Variants in RALB observed in about 807,000 individuals in gnomAD.
RALB encodes ras-related protein Ral-B.
In RALB, 16 loss-of-function variants were observed where a neutral mutation model predicts 21.3. That is an observed-to-expected ratio of 0.75 (90% CI 0.51 to 1.14). The LOEUF is 1.14. Among genes scored for constraint, RALB ranks in the 50% most tolerant of loss-of-function variants. RALB has a pLI of 0.00. For synonymous variants in RALB, 93 were observed against 96.1 expected (o/e 0.97, Z 0.19); for missense variants, 161 against 256.2 (o/e 0.63, Z 2.54).
At position 120,272,651 on chromosome 2, in the gene RALB, A is replaced by C. The variant is rs112412975; in HGVS notation, c.-47-5967A>C. On this transcript the variant is annotated intron_variant, in intron 1 of 4. Transcript: ENST00000272519. The stretch of plus-strand genomic sequence containing the variant: ...TTTATTGGCTAGGCATTTCCATTAT[A>C]GGTATTAAATCATTAACGTGAGCTT... Among the ~76,000 whole-genome samples the C allele has an allele frequency of 8.9e-4, 136 of 152,308 alleles. No homozygotes were observed. The Middle Eastern group carries it at 0.01, about 11-fold the overall frequency.
intron 1 of RALB, among the ~76,000 whole-genome samples, chr2:120,278,399 C>T (rs1352190202): frequency 6.6e-6 from 1 of 152,174 alleles, no homozygotes; most frequent in Non-Finnish European, 1.5e-5. Context: ...GTGTGCGCTC[C>T]TGTTTCTCCC....
intron 1 of RALB, among the ~76,000 whole-genome samples, chr2:120,272,423 C>A (rs754568359): frequency 5.9e-5 from 9 of 152,058 alleles, no homozygotes; most frequent in African/African-American, 1.9e-4. Context: ...TGAAATATAT[C>A]GGAAAATGAG....
chr2:120,282,355 G>A (rs570821996), intron 2 of RALB, among the ~76,000 whole-genome samples: 8 of 152,236 alleles, frequency 5.3e-5, no homozygotes, highest in African/African-American at 1.9e-4. Flanking sequence ...GTGCATACCT[G>A]TAATCCCAGC....
chr2:120,269,535 G>C (rs1377569871), intron 1 of RALB, among the ~76,000 whole-genome samples: 7 of 152,144 alleles, frequency 4.6e-5, no homozygotes, highest in Admixed American at 2.6e-4. Context: ...GCACTGATTG[G>C]TGCATTTTAC....
chr2:120,277,921 A>C (rs1157499371), intron 1 of RALB, among the ~76,000 whole-genome samples: 1 of 132,046 alleles, frequency 7.6e-6, no homozygotes, highest in Non-Finnish European at 1.6e-5. Flanking sequence ...ATGTGAGTTA[A>C]TGTGAGCGTG....
chr2:120,266,434 G>A (rs563232075), intron 1 of RALB, among the ~76,000 whole-genome samples: 1 of 152,266 alleles, frequency 6.6e-6, no homozygotes, highest in Non-Finnish European at 1.5e-5. Flanking sequence ...TAGTAGAGAC[G>A]CAGTTTCACT....
intron 1 of RALB, among the ~76,000 whole-genome samples, chr2:120,254,581 G>A (rs563242876): frequency 3.3e-4 from 51 of 152,334 alleles, no homozygotes; most frequent in South Asian, 6.2e-4. Flanking sequence ...AGAGATTTTG[G>A]TAGAAGATGA....
At chr2:120,284,005 A>C (rs1054427106) in intron 2 of RALB, among the ~76,000 whole-genome samples, 1 of 152,262 alleles carries the variant, frequency 6.6e-6, no homozygotes, top group African/African-American at 2.4e-5. Flanking sequence ...GGCTGGCTTT[A>C]TCCTTGGAAG....
chr2:120,286,396 CAG>C (rs1441720651), intron 3 of RALB, among the ~76,000 whole-genome samples: 3 of 152,232 alleles, frequency 2.0e-5, no homozygotes, highest in East Asian at 1.9e-4. Flanking sequence ...TATAAATACT[CAG>C]AGATTTTCAT....
chr2:120,288,342 G>T (rs1328103391), intron 3 of RALB, among the ~76,000 whole-genome samples: 217 of 116,926 alleles, frequency 1.9e-3, no homozygotes, highest in Non-Finnish European at 2.2e-3. Flanking sequence ...GAAAATTTTA[G>T]TTTTTTTTTT....
chr2:120,249,169 A>G (rs1689015089), upstream of RALB, among the ~76,000 whole-genome samples: 1 of 151,338 alleles, frequency 6.6e-6, no homozygotes, highest in African/African-American at 2.4e-5. Flanking sequence ...AGTAGCTGGG[A>G]TTACAGGCAT....
At chr2:120,242,441 G>T (rs186852304) in intron 1 of RALB, among the ~76,000 whole-genome samples, 1 of 152,194 alleles carries the variant, frequency 6.6e-6, no homozygotes, top group African/African-American at 2.4e-5. Flanking sequence ...TAGGCCAGGC[G>T]CAGTGGCTCA....
chr2:120,271,091 C>T (rs1463570404), intron 1 of RALB, among the ~76,000 whole-genome samples: 1 of 152,128 alleles, frequency 6.6e-6, no homozygotes, highest in African/African-American at 2.4e-5. Flanking sequence ...TCATGACAAC[C>T]CTATGATACT....
chr2:120,259,265 C>T (rs901614519), intron 1 of RALB, among the ~76,000 whole-genome samples: 1 of 152,176 alleles, frequency 6.6e-6, no homozygotes, highest in East Asian at 1.9e-4. Flanking sequence ...CTTATCTGGC[C>T]CCACCCACAT....
chr2:120,252,668 T>A (rs1428012803), upstream of RALB: 1 of 537,772 alleles, frequency 1.9e-6, no homozygotes, highest in East Asian at 1.5e-4. Context: ...CCCCCGTGCC[T>A]GGGGCAGCTT....
At chr2:120,269,557 T>C (rs1266295492) in intron 1 of RALB, among the ~76,000 whole-genome samples, 1 of 152,188 alleles carries the variant, frequency 6.6e-6, no homozygotes, top group East Asian at 1.9e-4. Context: ...GTGTGCTGAT[T>C]GGCACATTTT....
intron 1 of RALB, among the ~76,000 whole-genome samples, chr2:120,243,077 G>A (rs146011457): frequency 6.6e-6 from 1 of 152,202 alleles, no homozygotes; most frequent in East Asian, 1.9e-4. Flanking sequence ...AGGCTCAGAG[G>A]CATGCCTTTT....
chr2:120,255,712 T>A (rs1260807558), intron 1 of RALB, among the ~76,000 whole-genome samples: 1 of 152,228 alleles, frequency 6.6e-6, no homozygotes, highest in Admixed American at 6.5e-5. Flanking sequence ...CAGGTCTCAA[T>A]TTCAAGTTTG....
intron 1 of RALB, among the ~76,000 whole-genome samples, chr2:120,255,217 G>A (rs183072639): frequency 6.6e-6 from 1 of 152,174 alleles, no homozygotes; most frequent in East Asian, 1.9e-4. Context: ...CTTGGCTCCA[G>A]TTACTGCTAA....
Sources: gnomAD v4.1 joint callset for allele counts (sites outside exome capture counted in the v4.1 genomes callset) on GRCh38, gnomAD v4.1.1 for gene constraint, MANE v1.5 for transcripts, NCBI Gene and HGNC (gene_info 2026-07-23, HGNC 2026-07-21) for gene names.